TNFAIP2: variants seen among roughly 807,000 people sequenced by gnomAD.
TNFAIP2 encodes the protein tumor necrosis factor alpha-induced protein 2.
Under a neutral mutation model 63.5 loss-of-function variants are expected in TNFAIP2, and 47 were observed. The observed-to-expected ratio is 0.74, with a 90% CI of 0.59 to 0.94. The LOEUF (loss-of-function observed/expected upper bound fraction) is 0.94, where lower values mean the gene tolerates loss of function less well. Ranked by LOEUF, TNFAIP2 falls within the 40% of genes least tolerant of loss-of-function variation. The pLI is 0.00. For missense variants in TNFAIP2, 787 were observed against 850.2 expected, an observed-to-expected ratio of 0.93 and a Z score of 0.92; for synonymous variants, 405 against 390.2, an observed-to-expected ratio of 1.04 and a Z score of -0.45.
upstream of TNFAIP2, among the ~76,000 whole-genome samples, chr14:103,123,212 T>TA (rs2087780890): frequency 6.6e-6 from 1 of 152,068 alleles, no homozygotes; most frequent in Non-Finnish European, 1.5e-5. Context: ...GAACTCCACA[T>TA]ACCATGCGAC....
At chr14:103,121,879 G>A (rs915578350), upstream of TNFAIP2, among the ~76,000 whole-genome samples, 1 of 151,968 alleles carries the variant, frequency 6.6e-6, no homozygotes, top group African/African-American at 2.4e-5. Flanking sequence ...GGGAATGGGA[G>A]GGGGGGTGAG....
rs1245964610 is a variant in TNFAIP2 at position 103,127,047 on chromosome 14, C to T, written c.278C>T (p.Ala93Val). 8.7e-7 allele frequency: 1 copy of T among 1,150,164 alleles called. No individual in the cohort carries two copies. The highest frequency in any genetic ancestry group is 1.1e-6 in the Non-Finnish European group (1 of 935,190). The allele number at this position is 1,150,164 out of a possible 1,614,324, so 71.2% of individuals were successfully genotyped here. Residue 93 changes from alanine (A) to valine (V), a missense_variant, in exon 3 of 12, where the codon GCG becomes GTG. This residue lies in a region of TNFAIP2 where 258 missense variants were observed against 228.9 expected (regional missense o/e 1.13). Coordinates refer to ENST00000560869, the MANE Select transcript of TNFAIP2 (RefSeq NM_006291.4). This position sits in a 1 kb window ranked among gnomAD's most constrained non-coding sequence, Gnocchi z 5.1. ...GCGCTGGAGCGCGGGCAGCTGGAGG[C>T]GGCGCGGCCGCTGCTGGCGCTGGAG... ...KAALERGQLE[A>V]ARPLLALERE...
upstream of TNFAIP2, chr14:103,122,581 C>T (rs1485948491): frequency 9.0e-6 from 4 of 442,342 alleles, no homozygotes; most frequent in Non-Finnish European, 1.4e-5. Context: ...TCCCCACATG[C>T]CCCACCCCCA....
chr14:103,122,326 CT>C (rs1478066887), upstream of TNFAIP2, among the ~76,000 whole-genome samples: 2 of 152,162 alleles, frequency 1.3e-5, no homozygotes, highest in Non-Finnish European at 2.9e-5. Context: ...GCTGGCCCCC[CT>C]GGTCCTGGAA....
intron 2 of TNFAIP2, 30 bp downstream of exon 2, chr14:103,126,722 C>A: frequency 1.9e-6 from 3 of 1,550,678 alleles, no homozygotes; most frequent in Non-Finnish European, 8.7e-7. Context: ...TAGAGCTAGT[C>A]TGGGGCCTGG....
In TNFAIP2 at chr14:103,127,080, TGGCGGCGGC is replaced by T. The variant is rs8176385; in HGVS notation, c.323_331del (p.Ala108_Ala110del). The T allele has an allele frequency of 7.2e-6, 8 of 1,114,668 alleles. No homozygotes were observed. Among genetic ancestry groups the T allele is most frequent in the South Asian group, 7.4e-5 (2 of 26,892 alleles). 69.0% of individuals were successfully genotyped at this position (1,114,668 alleles called of 1,614,324 possible). A position where few individuals can be genotyped will look rare whatever the true frequency, so the allele number is the denominator to read the frequency against. ...CCGCTGCTGGCGCTGGAGCGGGAGC[TGGCGGCGGC>T]GGCGGCGGCGGGCGGTGTGAGCGAG... On this transcript the variant is annotated inframe_deletion, in exon 3 of 12. Coordinates refer to ENST00000560869, the MANE Select transcript of TNFAIP2 (RefSeq NM_006291.4). This position sits in a 1 kb window ranked among gnomAD's most constrained non-coding sequence, Gnocchi z 5.1.
intron 9 of TNFAIP2, among the ~76,000 whole-genome samples, 197 bp downstream of exon 9, chr14:103,133,069 AAC>A (rs763676723): frequency 4.3e-4 from 65 of 152,320 alleles, no homozygotes; most frequent in African/African-American, 9.1e-4. Flanking sequence ...CGAGCATGTG[AAC>A]ACACACATGT....
At position 103,130,380 on chromosome 14, in the gene TNFAIP2, G is replaced by T; in HGVS notation, c.1164G>T (p.Arg388=). ...TGGACTTGGGCTCACAGATAAAGCG[G>T]GTGCTGCTGGTGGAGCTGCCTGCGT... The part of the protein sequence containing the change: ...ITLDLGSQIK[R]VLLVELPAFL... The change falls in exon 6 of 12, where the codon CGG becomes CGT. Residue 388 remains arginine, a synonymous_variant. Coordinates refer to ENST00000560869, the MANE Select transcript of TNFAIP2 (RefSeq NM_006291.4). 1.3e-6 allele frequency: 2 copies of T among 1,568,484 alleles called. No homozygotes were observed. The highest frequency in any genetic ancestry group is 2.3e-5 in the East Asian group (1 of 42,620).
chr14:103,126,489 C>T lies in TNFAIP2; in HGVS notation c.32C>T (p.Pro11Leu). The stretch of plus-strand genomic sequence containing the variant: ...GAGGCCTCCTCTGAGGACCTGGTGC[C>T]ACCCCTGGAGGCTGGGGCAGCCCCA... Reference protein sequence around the residue: MSEASSEDLVPPLEAGAAPYR... With the variant: MSEASSEDLVLPLEAGAAPYR... Residue 11 changes from proline to leucine, a missense_variant, in exon 2 of 12, where the codon CCA becomes CTA. Pro to Leu is a moderately conservative substitution (Grantham distance 98, BLOSUM62 -3). Transcript: ENST00000560869. 6.3e-7 allele frequency: 1 copy of T among 1,596,916 alleles called. No individual in the cohort carries two copies. Among genetic ancestry groups the T allele is most frequent in the Non-Finnish European group, 8.5e-7 (1 of 1,172,358 alleles).
In TNFAIP2 at chr14:103,127,563, C is replaced by T; in HGVS notation, c.794C>T (p.Ala265Val). 1.9e-6 allele frequency: 3 copies of T among 1,581,216 alleles called. No homozygotes were observed. Among genetic ancestry groups the T allele is most frequent in the South Asian group, 1.1e-5 (1 of 88,484 alleles). Residue 265 changes from alanine (A) to valine (V), a missense_variant, in exon 3 of 12, where the codon GCG (alanine) becomes GTG (valine). Physicochemically the swap from Ala to Val is moderately conservative, Grantham distance 64 (BLOSUM62 0). Coordinates refer to ENST00000560869, the MANE Select transcript of TNFAIP2 (RefSeq NM_006291.4). The surrounding 1 kb of genome is among the most constrained non-coding windows in gnomAD (Gnocchi z 5.1). ...TTCGCGGCCCACCTGGCCGCCGTGGCGCAGTTCGAGCTGTGCGAGCGCGAC... is the reference window on the plus strand; with the variant it reads ...TTCGCGGCCCACCTGGCCGCCGTGGTGCAGTTCGAGCTGTGCGAGCGCGAC... Reference protein sequence around the residue: ...QHFAAHLAAVAQFELCERDTY... With the variant: ...QHFAAHLAAVVQFELCERDTY...
In TNFAIP2 at chr14:103,127,440, T is replaced by C. The variant is rs771701744; in HGVS notation, c.671T>C (p.Met224Thr). The change falls in exon 3 of 12, where the codon ATG becomes ACG. Residue 224 changes from methionine to threonine, a missense_variant. Physicochemically the swap from Met to Thr is moderately conservative, Grantham distance 81 (BLOSUM62 -1). Coordinates refer to ENST00000560869, the MANE Select transcript of TNFAIP2 (RefSeq NM_006291.4). The surrounding 1 kb of genome is among the most constrained non-coding windows in gnomAD (Gnocchi z 5.1). ...ESVFLHLGRT[M>T]KEDLEAVVER... ...GTCTTTCTGCACTTGGGCCGCACCA[T>C]GAAGGAGGACCTGGAGGCCGTGGTG... is the stretch of plus-strand genomic sequence containing the variant. 5.7e-6 allele frequency: 9 copies of C among 1,586,952 alleles called. No homozygotes were observed. The East Asian group carries it at 1.4e-4, about 24-fold the overall frequency.
Position 103,123,780 on chromosome 14 carries a change from G to C in TNFAIP2, c.-320G>C, listed in dbSNP as rs1385313190. On this transcript the variant is annotated 5_prime_UTR_variant, in exon 1 of 12. Transcript: ENST00000560869. ...TTACAGCAGAAAGGCCCCAGGTCCG[G>C]CGTGACTCCCCGGCCGGGCGACACA... The C allele has an allele frequency of 6.6e-6, 1 of 152,240 alleles. No individual in the cohort carries two copies. The highest frequency in any genetic ancestry group is 1.9e-4 in the East Asian group (1 of 5,168). The allele number at this position is 152,240 out of a possible 1,614,324, so 9.4% of individuals were successfully genotyped here. A position where few individuals can be genotyped will look rare whatever the true frequency, so the allele number is the denominator to read the frequency against.
At position 103,130,117 on chromosome 14, in the gene TNFAIP2, T is replaced by A; in HGVS notation, c.1091T>A (p.Ile364Asn). ...GHCHSELAID[I>N]IQITSQAQAK... is the part of the protein sequence containing the mutation. ...TGCCACAGCGAGCTGGCCATCGACA[T>A]CATCCAGGTACTGCAATCTGCCCCA... Residue 364 changes from isoleucine to asparagine, a missense_variant, in exon 5 of 12, where the codon ATC becomes AAC. By Grantham distance (149) the Ile-to-Asn change is moderately radical. Coordinates refer to ENST00000560869, the MANE Select transcript of TNFAIP2 (RefSeq NM_006291.4). 1 of 1,612,886 alleles carries A rather than the reference T, an allele frequency of 6.2e-7. No homozygotes were observed. The highest frequency in any genetic ancestry group is 8.5e-7 in the Non-Finnish European group (1 of 1,179,548).
chr14:103,126,506 G>A lies in TNFAIP2; in HGVS notation c.49G>A (p.Ala17Thr), dbSNP rs866116622. Reference sequence around the variant, plus strand: ...CCTGGTGCCACCCCTGGAGGCTGGGGCAGCCCCATATAGGGAGGAGGAAGA... The same window carrying A: ...CCTGGTGCCACCCCTGGAGGCTGGGACAGCCCCATATAGGGAGGAGGAAGA... ...EDLVPPLEAG[A>T]APYREEEEAA... The change falls in exon 2 of 12, where the codon GCA (alanine) becomes ACA (threonine). Residue 17 changes from alanine to threonine, a missense_variant. Physicochemically the swap from Ala to Thr is moderately conservative, Grantham distance 58. This residue lies in a region of TNFAIP2 where 258 missense variants were observed against 228.9 expected (regional missense o/e 1.13). Transcript: ENST00000560869. 3 of 1,592,856 alleles carry A rather than the reference G, an allele frequency of 1.9e-6. No homozygotes were observed. The highest frequency in any genetic ancestry group is 2.6e-6 in the Non-Finnish European group (3 of 1,170,112).
intron 9 of TNFAIP2, among the ~76,000 whole-genome samples, 187 bp downstream of exon 9, chr14:103,133,059 C>T (rs769789842): frequency 1.7e-4 from 26 of 152,330 alleles, no homozygotes; most frequent in Middle Eastern, 3.4e-3. Context: ...TGTGAACGCA[C>T]GAGCATGTGA....
At position 103,131,806 on chromosome 14, in the gene TNFAIP2, TCCCAGGGAGGGACTGGGAGGTGCC is replaced by T; in HGVS notation, c.1422+55_1422+78del. On this transcript the variant is annotated intron_variant, in intron 8 of 11. Coordinates refer to ENST00000560869, the MANE Select transcript of TNFAIP2 (RefSeq NM_006291.4). The surrounding 1 kb of genome is among the most constrained non-coding windows in gnomAD (Gnocchi z 4.0). ...CCTCAGGAGCCCAGTGTTGGGGGGT[TCCCAGGGAGGGACTGGGAGGTGCC>T]CCCAGGGAGGAGTGGCAGAAGCAAA... The T allele has an allele frequency of 6.3e-7, 1 of 1,589,482 alleles. No individual in the cohort carries two copies. The highest frequency in any genetic ancestry group is 8.6e-7 in the Non-Finnish European group (1 of 1,166,028).
Position 103,135,533 on chromosome 14 carries a change from A to G in TNFAIP2, c.*173A>G. On this transcript the variant is annotated 3_prime_UTR_variant, in exon 12 of 12. Transcript: ENST00000560869. This position sits in a 1 kb window ranked among gnomAD's most constrained non-coding sequence, Gnocchi z 7.6. ...GGCCCTGTCAGCTGGAACTGGACAG[A>G]CCTTGGTTTGTTTACATGTCCGATG... 2 of 1,465,152 alleles carry G rather than the reference A, an allele frequency of 1.4e-6. No homozygotes were observed. The highest frequency in any genetic ancestry group is 1.8e-6 in the Non-Finnish European group (2 of 1,115,894). The allele number at this position is 1,465,152 out of a possible 1,614,324, so 90.8% of individuals were successfully genotyped here.
intron 9 of TNFAIP2, 69 bp downstream of exon 9, chr14:103,132,941 C>A (rs192445536): frequency 1.3e-6 from 2 of 1,593,618 alleles, no homozygotes; most frequent in South Asian, 1.1e-5. Context: ...CACACTAGCA[C>A]GTCTGTGTAC....
intron 11 of TNFAIP2, among the ~76,000 whole-genome samples, chr14:103,134,933 G>C (rs900301341): frequency 3.3e-5 from 5 of 152,210 alleles, no homozygotes; most frequent in Middle Eastern, 3.2e-3. Context: ...AAGCCTTTTG[G>C]GGGTGGACAT....
Sources: allele counts gnomAD v4.1 joint callset (sites outside exome capture counted in the v4.1 genomes callset), GRCh38; gene constraint gnomAD v4.1.1; regional missense constraint gnomAD v4.1.1; non-coding constraint Gnocchi (gnomAD v3.1); transcripts MANE v1.5; gene names NCBI Gene and HGNC (gene_info 2026-07-23, HGNC 2026-07-21).